The following MEIKIN variants were observed in gnomAD, a reference collection of about 807,000 sequenced individuals.
MEIKIN encodes the protein meiosis-specific kinetochore protein.
chr5:131,851,127 C>G (rs1311920043), intron 11 of MEIKIN, 137 bp downstream of exon 11: 5 of 381,224 alleles, frequency 1.3e-5, no homozygotes, highest in Middle Eastern at 6.7e-4. Context: ...AAAAGGCAAC[C>G]CACAGAATAG....
intron 11 of MEIKIN, among the ~76,000 whole-genome samples, chr5:131,849,824 C>G (rs576357607): frequency 4.0e-5 from 6 of 151,792 alleles, no homozygotes; most frequent in African/African-American, 1.4e-4. Context: ...CTAGCCGGAG[C>G]AATTAGGCGA....
chr5:131,847,998 A>G (rs1477964070), intron 11 of MEIKIN, among the ~76,000 whole-genome samples: 2 of 152,174 alleles, frequency 1.3e-5, no homozygotes, highest in African/African-American at 4.8e-5. Flanking sequence ...AAACCACAAC[A>G]TAACCAAACT....
At chr5:131,872,605 C>A (rs1296155234) in intron 9 of MEIKIN, among the ~76,000 whole-genome samples, 1 of 152,178 alleles carries the variant, frequency 6.6e-6, no homozygotes, top group East Asian at 1.9e-4. Flanking sequence ...CTTCCCCAAT[C>A]TAGCAAGGCA....
At chr5:131,810,837 A>T (rs1300156801) in intron 12 of MEIKIN, among the ~76,000 whole-genome samples, 2 of 152,220 alleles carry the variant, frequency 1.3e-5, no homozygotes, top group Non-Finnish European at 2.9e-5. Flanking sequence ...CCAGTTATTA[A>T]TGAACAAAAA....
chr5:131,902,626 C>A (rs1475220549), intron 8 of MEIKIN, among the ~76,000 whole-genome samples: 1 of 152,012 alleles, frequency 6.6e-6, no homozygotes, highest in Non-Finnish European at 1.5e-5. Flanking sequence ...TCAGATATTT[C>A]TTTATAGTAA....
In MEIKIN at chr5:131,919,793, A is replaced by G. The variant is rs113391847; in HGVS notation, c.598+2029T>C. Among the ~76,000 whole-genome samples, 958 of 152,340 alleles carry G rather than the reference A, an allele frequency of 6.3e-3. 7 individuals are homozygous for G. The highest frequency in any genetic ancestry group is 0.022 in the African/African-American group (908 of 41,584). On this transcript the variant is annotated intron_variant, in intron 6 of 12. Coordinates refer to ENST00000442687, the MANE Select transcript of MEIKIN (RefSeq NM_001303622.2). ...GTTAAGTGAGAAAGGGGTAGAAAGAAGAGAAGAATGGTAGCTGGAAGAAGG... is the reference window on the plus strand; with the variant it reads ...GTTAAGTGAGAAAGGGGTAGAAAGAGGAGAAGAATGGTAGCTGGAAGAAGG...
intron 8 of MEIKIN, among the ~76,000 whole-genome samples, chr5:131,894,457 G>A (rs1246279806): frequency 3.3e-5 from 5 of 152,138 alleles, no homozygotes; most frequent in Admixed American, 6.5e-5. Flanking sequence ...TAGCTTGATC[G>A]GGATGGCACT....
intron 8 of MEIKIN, among the ~76,000 whole-genome samples, chr5:131,897,319 T>A (rs946108121): frequency 6.6e-6 from 1 of 152,240 alleles, no homozygotes; most frequent in African/African-American, 2.4e-5. Context: ...CTTAATATTT[T>A]TTCCTTCATT....
chr5:131,828,667 T>C (rs1463150749), intron 11 of MEIKIN, among the ~76,000 whole-genome samples: 1 of 152,180 alleles, frequency 6.6e-6, no homozygotes, highest in Non-Finnish European at 1.5e-5. Flanking sequence ...GTGCTTATTT[T>C]TCCAAATTAA....
intron 11 of MEIKIN, among the ~76,000 whole-genome samples, chr5:131,838,180 C>A (rs751189870): frequency 1.3e-5 from 2 of 152,142 alleles, no homozygotes; most frequent in Non-Finnish European, 2.9e-5. Context: ...ACTGACTCAA[C>A]TTTGCATCCC....
At chr5:131,839,304 G>A (rs1373655998) in intron 11 of MEIKIN, among the ~76,000 whole-genome samples, 2 of 152,118 alleles carry the variant, frequency 1.3e-5, no homozygotes, top group Non-Finnish European at 1.5e-5. Flanking sequence ...TGTGACATGT[G>A]GTGATGAGGA....
chr5:131,934,362 A>C (rs984278336), intron 4 of MEIKIN, among the ~76,000 whole-genome samples: 9 of 152,180 alleles, frequency 5.9e-5, no homozygotes, highest in African/African-American at 2.2e-4. Flanking sequence ...GAGCCTACAC[A>C]TACACAAATA....
At chr5:131,869,412 G>A (rs1249419072) in intron 9 of MEIKIN, among the ~76,000 whole-genome samples, 2 of 152,082 alleles carry the variant, frequency 1.3e-5, no homozygotes, top group Non-Finnish European at 2.9e-5. Context: ...AATACAGGCA[G>A]TATCAGTCCT....
chr5:131,920,460 C>T (rs573700469), intron 6 of MEIKIN, among the ~76,000 whole-genome samples: 2 of 152,286 alleles, frequency 1.3e-5, no homozygotes, highest in East Asian at 3.9e-4. Flanking sequence ...AGTTTACAGT[C>T]TCAAACTATC....
chr5:131,910,026 T>C (rs1751306331), intron 8 of MEIKIN, among the ~76,000 whole-genome samples: 1 of 151,936 alleles, frequency 6.6e-6, no homozygotes, highest in African/African-American at 2.4e-5. Flanking sequence ...CTCGAAAACA[T>C]AAAAATAGAG....
chr5:131,940,105 G>C (rs979564916), intron 4 of MEIKIN, among the ~76,000 whole-genome samples: 1 of 152,212 alleles, frequency 6.6e-6, no homozygotes, highest in East Asian at 1.9e-4. Context: ...GTGGTTTTAA[G>C]TCTTTTGACA....
At chr5:131,829,242 TAATC>T (rs1172971694) in intron 11 of MEIKIN, among the ~76,000 whole-genome samples, 2 of 152,172 alleles carry the variant, frequency 1.3e-5, no homozygotes, top group African/African-American at 4.8e-5. Context: ...CCAACTTAAA[TAATC>T]AATCAAATAT....
intron 11 of MEIKIN, among the ~76,000 whole-genome samples, chr5:131,822,175 A>G (rs914593958): frequency 3.3e-5 from 5 of 151,940 alleles, no homozygotes; most frequent in African/African-American, 9.7e-5. Context: ...GTGTATCTTT[A>G]TAGCTGAAGT....
At chr5:131,839,310 G>T (rs954020284) in intron 11 of MEIKIN, among the ~76,000 whole-genome samples, 1 of 151,926 alleles carries the variant, frequency 6.6e-6, no homozygotes, top group South Asian at 2.1e-4. Flanking sequence ...ATGTGGTGAT[G>T]AGGAGAATAT....
Sources: gnomAD v4.1 joint callset for allele counts (sites outside exome capture counted in the v4.1 genomes callset) on GRCh38, gnomAD v4.1.1 for gene constraint, MANE v1.5 for transcripts, NCBI Gene and HGNC (gene_info 2026-07-23, HGNC 2026-07-21) for gene names.